Variants in TRAPPC9 observed in about 807,000 individuals in gnomAD.
The protein encoded by TRAPPC9 is trafficking protein particle complex subunit 9, also known as IKK2 binding protein.
Under a neutral mutation model 124.0 loss-of-function variants are expected in TRAPPC9, and 83 were observed. The ratio of observed to expected loss-of-function variants is 0.67; its 90% CI spans 0.56 to 0.80. The LOEUF (loss-of-function observed/expected upper bound fraction) is 0.80. Among genes scored for constraint, TRAPPC9 ranks in the 30% least tolerant of loss-of-function variants. The pLI is 0.00. For missense variants in TRAPPC9, 1,302 were observed against 1,508.3 expected, an observed-to-expected ratio of 0.86 and a Z score of 2.27; for synonymous variants, 638 against 617.5, an observed-to-expected ratio of 1.03 and a Z score of -0.49.
At chr8:140,453,946 AGAG>A (rs1252612197) in intron 1 of TRAPPC9, among the ~76,000 whole-genome samples, 1 of 152,188 alleles carries the variant, frequency 6.6e-6, no homozygotes, top group African/African-American at 2.4e-5. Context: ...TTCATTCTAC[AGAG>A]GAGGAGAGCG....
rs1435243653 is a variant in TRAPPC9 at position 140,353,745 on chromosome 8, A to T, written c.1495+6305T>A. Among the ~76,000 whole-genome samples, 1 of 152,242 alleles carries T rather than the reference A, an allele frequency of 6.6e-6. No individual in the cohort carries two copies. Among genetic ancestry groups the T allele is most frequent in the Non-Finnish European group, 1.5e-5 (1 of 68,046 alleles). On this transcript the variant is annotated intron_variant, in intron 9 of 22. Coordinates refer to ENST00000438773, the MANE Select transcript of TRAPPC9 (RefSeq NM_001160372.4). The surrounding 1 kb of genome is among the most constrained non-coding windows in gnomAD (Gnocchi z 4.2). ...TTTAAAATTGCCAGTTAGAAGAAAT[A>T]TCCATTTGGTAGCATAGTAGAAGGT... is the stretch of plus-strand genomic sequence containing the variant.
intron 5 of TRAPPC9, among the ~76,000 whole-genome samples, chr8:140,423,909 GA>G (rs1458211707): frequency 1.3e-5 from 2 of 152,116 alleles, no homozygotes; most frequent in Non-Finnish European, 2.9e-5. Context: ...ATTTATATGA[GA>G]TGTCCAGAAC....
intron 11 of TRAPPC9, 53 bp downstream of exon 11, chr8:140,300,416 C>T: frequency 6.2e-7 from 1 of 1,612,768 alleles, no homozygotes; most frequent in South Asian, 1.1e-5. Context: ...CTAGAAAAGC[C>T]ATTGGAAATC....
chr8:139,899,479 T>C (rs190647753), intron 20 of TRAPPC9, among the ~76,000 whole-genome samples: 2 of 152,308 alleles, frequency 1.3e-5, no homozygotes, highest in East Asian at 3.9e-4. Flanking sequence ...TATCTTCACG[T>C]TGCGTAGGCA....
At chr8:139,861,346 G>A (rs749307218) in intron 21 of TRAPPC9, among the ~76,000 whole-genome samples, 28 of 152,114 alleles carry the variant, frequency 1.8e-4, no homozygotes, top group Non-Finnish European at 3.7e-4. Context: ...AAAGAGAGCC[G>A]GGGTATGAGC....
chr8:140,015,919 C>T (rs1459749529), intron 18 of TRAPPC9, among the ~76,000 whole-genome samples: 1 of 152,150 alleles, frequency 6.6e-6, no homozygotes, highest in Non-Finnish European at 1.5e-5. Context: ...GGCTGCCCAC[C>T]GTGGGGCAAG....
rs1311832555 is a variant in TRAPPC9 at position 140,182,457 on chromosome 8, C to T, written c.2556+39002G>A. Among the ~76,000 whole-genome samples the T allele has an allele frequency of 2.6e-5, 4 of 151,946 alleles. No homozygotes were observed. Among genetic ancestry groups the T allele is most frequent in the African/African-American group, 9.7e-5 (4 of 41,340 alleles). On this transcript the variant is annotated intron_variant, in intron 17 of 22. Transcript: ENST00000438773. This position sits in a 1 kb window ranked among gnomAD's most constrained non-coding sequence, Gnocchi z 4.0. ...AAGCTGTTATTCGATAGACAGAAAA[C>T]AGCTTCACTACTGATACATTAGTGT... is the stretch of plus-strand genomic sequence containing the variant.
chr8:140,116,331 T>A (rs1259827374), intron 17 of TRAPPC9, among the ~76,000 whole-genome samples: 1 of 152,160 alleles, frequency 6.6e-6, no homozygotes, highest in Non-Finnish European at 1.5e-5. Flanking sequence ...CATGGCCAAC[T>A]TTCGGAGGCA....
intron 12 of TRAPPC9, among the ~76,000 whole-genome samples, chr8:140,289,184 T>A (rs1441706288): frequency 1.6e-5 from 1 of 62,860 alleles, no homozygotes; most frequent in African/African-American, 8.0e-5. Flanking sequence ...AGTGTGTGTG[T>A]GTGTGTGTGT....
intron 21 of TRAPPC9, among the ~76,000 whole-genome samples, chr8:139,824,718 G>A (rs1026868608): frequency 3.3e-5 from 5 of 151,994 alleles, no homozygotes; most frequent in South Asian, 2.1e-4. Context: ...GTACCACTAC[G>A]CCCAGCTAAT....
intron 17 of TRAPPC9, among the ~76,000 whole-genome samples, chr8:140,151,774 C>G (rs2061547038): frequency 6.6e-6 from 1 of 152,176 alleles, no homozygotes; most frequent in South Asian, 2.1e-4. Context: ...GCTAACTGCT[C>G]TCCTCACCTG....
Position 139,769,694 on chromosome 8 carries a change from T to C in TRAPPC9, c.3056-37492A>G, listed in dbSNP as rs371381313. 5.3e-5 allele frequency among the ~76,000 whole-genome samples: 8 copies of C among 152,298 alleles called. No individual in the cohort carries two copies. In the East Asian group the frequency reaches 1.2e-3, roughly 22 times the overall value. The stretch of plus-strand genomic sequence containing the variant: ...GAATAAAAATAAGATTGAATAGTAA[T>C]GATCCAAAGGCTTAAAATAAGCAGT... On this transcript the variant is annotated intron_variant, in intron 21 of 22. Transcript: ENST00000438773.
chr8:140,215,647 G>GA (rs61147507), intron 17 of TRAPPC9, among the ~76,000 whole-genome samples: 35,751 of 136,850 alleles, frequency 0.26, 5,479 homozygotes, highest in East Asian at 0.56. Flanking sequence ...CTCCATCTCC[G>GA]AAAAAAAAAA....
intron 18 of TRAPPC9, among the ~76,000 whole-genome samples, chr8:140,014,575 C>G (rs913478269): frequency 8.5e-5 from 13 of 152,050 alleles, no homozygotes; most frequent in Non-Finnish European, 1.5e-4. Context: ...TCACTCTCCC[C>G]CTAGGGAGTG....
chr8:139,993,994 A>C (rs981728459), intron 18 of TRAPPC9, among the ~76,000 whole-genome samples: 2 of 152,236 alleles, frequency 1.3e-5, no homozygotes, highest in Admixed American at 1.3e-4. Context: ...AAAATGGACA[A>C]GTCTGTATGG....
At chr8:139,981,445 C>A (rs1299544790) in intron 19 of TRAPPC9, among the ~76,000 whole-genome samples, 1 of 152,228 alleles carries the variant, frequency 6.6e-6, no homozygotes, top group Non-Finnish European at 1.5e-5. Context: ...AAAAACTCAT[C>A]TGTAACTCAT....
intron 14 of TRAPPC9, among the ~76,000 whole-genome samples, chr8:140,277,979 C>T (rs566377578): frequency 6.6e-5 from 10 of 152,316 alleles, no homozygotes; most frequent in African/African-American, 1.9e-4. Context: ...GGAAGTGCAA[C>T]GGGAGTCACT....
At position 140,376,707 on chromosome 8, in the gene TRAPPC9, C is replaced by T. The variant is rs1233211519; in HGVS notation, c.1135-5527G>A. ...CCTGGCCAACATAGTGAAACCCCAT[C>T]TCAACTAAAAATATAAAAATTAGCC... On this transcript the variant is annotated intron_variant, in intron 7 of 22. Coordinates refer to ENST00000438773, the MANE Select transcript of TRAPPC9 (RefSeq NM_001160372.4). Among the ~76,000 whole-genome samples, 3 of 151,582 alleles carry T rather than the reference C, an allele frequency of 2.0e-5. No individual in the cohort carries two copies. In the East Asian group the frequency reaches 5.8e-4, roughly 29 times the overall value.
chr8:140,364,233 T>C (rs538218615), intron 8 of TRAPPC9, among the ~76,000 whole-genome samples: 33 of 133,216 alleles, frequency 2.5e-4, no homozygotes, highest in Non-Finnish European at 4.3e-4. Flanking sequence ...ATAACTTGCA[T>C]AGAGCCCAGG....
Sources: gnomAD v4.1 joint callset for allele counts (sites outside exome capture counted in the v4.1 genomes callset) on GRCh38, gnomAD v4.1.1 for gene constraint, Gnocchi (gnomAD v3.1) non-coding constraint, MANE v1.5 for transcripts, NCBI Gene and HGNC (gene_info 2026-07-23, HGNC 2026-07-21) for gene names.